The following DENND1A variants were observed in gnomAD, a reference collection of about 807,000 sequenced individuals.
DENND1A encodes DENN domain containing 1A, also known as DENN domain-containing protein 1A.
In DENND1A, 51 loss-of-function variants were observed where a neutral mutation model predicts 113.7. The observed-to-expected ratio is 0.45, with a 90% CI of 0.36 to 0.57. DENND1A has a LOEUF of 0.57. Among genes scored for constraint, DENND1A ranks in the 20% least tolerant of loss-of-function variants. The probability of loss-of-function intolerance (pLI) is 0.00; values close to 1 mark genes in which losing one functional copy is unlikely to be tolerated. For synonymous variants in DENND1A, 565 were observed against 570.8 expected (o/e 0.99, Z 0.14); for missense variants, 1,258 against 1,395.9 (o/e 0.90, Z 1.57).
chr9:123,821,464 AC>A (rs1838452509), intron 2 of DENND1A, among the ~76,000 whole-genome samples: 1 of 152,240 alleles, frequency 6.6e-6, no homozygotes, highest in South Asian at 2.1e-4. Context: ...GTCATGGCTA[AC>A]AGAAACCAGT....
intron 12 of DENND1A, among the ~76,000 whole-genome samples, chr9:123,577,097 G>A (rs2058675526): frequency 6.6e-6 from 1 of 152,002 alleles, no homozygotes; most frequent in Non-Finnish European, 1.5e-5. Flanking sequence ...TACCTTCTGG[G>A]ACTCCAGTTG....
chr9:123,782,328 T>C (rs1339851483), intron 3 of DENND1A, among the ~76,000 whole-genome samples: 1 of 152,204 alleles, frequency 6.6e-6, no homozygotes, highest in Non-Finnish European at 1.5e-5. Context: ...AGGCATCATG[T>C]CTGATATACA....
At chr9:123,661,442 T>C (rs914183801) in intron 8 of DENND1A, among the ~76,000 whole-genome samples, 13 of 152,202 alleles carry the variant, frequency 8.5e-5, no homozygotes, top group African/African-American at 2.9e-4. Context: ...TAACCTACCA[T>C]TCCTACTCAG....
At chr9:123,451,070 C>T (rs529912429) in intron 17 of DENND1A, among the ~76,000 whole-genome samples, 31 of 152,158 alleles carry the variant, frequency 2.0e-4, no homozygotes, top group Non-Finnish European at 4.1e-4. Context: ...AGTAAGAGTA[C>T]GGCAGCCGTA....
intron 5 of DENND1A, among the ~76,000 whole-genome samples, chr9:123,711,832 C>T (rs562842431): frequency 2.0e-5 from 3 of 152,214 alleles, no homozygotes; most frequent in Non-Finnish European, 2.9e-5. Context: ...ATTCATCTTA[C>T]GGCTCCTTTT....
intron 11 of DENND1A, among the ~76,000 whole-genome samples, chr9:123,588,052 C>A (rs557630696): frequency 1.3e-5 from 2 of 151,650 alleles, no homozygotes; most frequent in Non-Finnish European, 2.9e-5. Context: ...CCGAAGTGAG[C>A]AGATCACCAG....
intron 2 of DENND1A, among the ~76,000 whole-genome samples, chr9:123,805,730 T>C (rs1276134608): frequency 6.6e-6 from 1 of 151,882 alleles, no homozygotes; most frequent in Admixed American, 6.6e-5. Context: ...CACTGCACCA[T>C]CCTATATATT....
intron 20 of DENND1A, among the ~76,000 whole-genome samples, chr9:123,407,097 A>C (rs1005560794): frequency 2.1e-5 from 3 of 144,132 alleles, no homozygotes; most frequent in East Asian, 2.2e-4. Flanking sequence ...ATGGGTTGGC[A>C]ATCAGCGGGA....
intron 2 of DENND1A, among the ~76,000 whole-genome samples, chr9:123,833,824 G>A (rs936865781): frequency 1.3e-5 from 2 of 152,146 alleles, no homozygotes; most frequent in African/African-American, 4.8e-5. Flanking sequence ...ACTTTGGGAG[G>A]CCAACATGGG....
chr9:123,682,094 G>A (rs986203076), intron 5 of DENND1A, among the ~76,000 whole-genome samples: 4 of 152,204 alleles, frequency 2.6e-5, no homozygotes, highest in Non-Finnish European at 5.9e-5. Flanking sequence ...CTTGACCTCA[G>A]CAGAGCCCAG....
At position 123,568,905 on chromosome 9, in the gene DENND1A, CAT is replaced by C. The variant is rs1450175818; in HGVS notation, c.868-11212_868-11211del. On this transcript the variant is annotated intron_variant, in intron 12 of 23. Transcript: ENST00000394215. The stretch of plus-strand genomic sequence containing the variant: ...CTTGATCCACTTACAGTTCCAAACA[CAT>C]GATGCATAAAAGAGCTGACAGAAAT... Among the ~76,000 whole-genome samples the C allele has an allele frequency of 2.6e-5, 4 of 152,210 alleles. No individual in the cohort carries two copies. The East Asian group carries it at 7.7e-4, about 29-fold the overall frequency.
At chr9:123,559,018 A>G (rs766862289) in intron 12 of DENND1A, among the ~76,000 whole-genome samples, 9 of 152,170 alleles carry the variant, frequency 5.9e-5, no homozygotes, top group Non-Finnish European at 1.0e-4. Context: ...GAGCTTGTCA[A>G]GAAGGTCAAG....
Position 123,636,681 on chromosome 9 carries a change from A to G in DENND1A, c.619-6205T>C, listed in dbSNP as rs957884651. Among the ~76,000 whole-genome samples the G allele has an allele frequency of 3.3e-5, 5 of 149,534 alleles. No homozygotes were observed. The East Asian group carries it at 9.8e-4, about 29-fold the overall frequency. ...CCAGATTCACACCATGAGGAAGAAT[A>G]GGCAAGATTACCAGACTTTTTTTTT... On this transcript the variant is annotated intron_variant, in intron 9 of 23. Transcript: ENST00000394215.
rs2060314570 is a variant in DENND1A at position 123,609,481 on chromosome 9, A to G, written c.720T>C (p.Cys240=). The change falls in exon 11 of 24, where the codon TGT becomes TGC. Residue 240 remains cysteine, a splice_region_variant and synonymous_variant. Coordinates refer to ENST00000394215, the MANE Select transcript of DENND1A (RefSeq NM_001352964.2). ...VLPPHLLDYC[C]APMPYLIGIH... ...TTCCTATGAGGTAGGGCATGGGAGCACTGTGAAGAGAAACAGAGACACACA... is the reference window on the plus strand; with the variant it reads ...TTCCTATGAGGTAGGGCATGGGAGCGCTGTGAAGAGAAACAGAGACACACA... 6.2e-6 allele frequency: 10 copies of G among 1,613,258 alleles called. No homozygotes were observed. Among genetic ancestry groups the G allele is most frequent in the Non-Finnish European group, 7.6e-6 (9 of 1,179,594 alleles).
intron 9 of DENND1A, among the ~76,000 whole-genome samples, chr9:123,640,436 A>C (rs1367148469): frequency 2.0e-5 from 3 of 152,204 alleles, no homozygotes; most frequent in Non-Finnish European, 2.9e-5. Context: ...TGAGGACTTG[A>C]ATGAGAAATG....
intron 13 of DENND1A, among the ~76,000 whole-genome samples, chr9:123,526,170 T>C (rs200769241): frequency 2.3e-5 from 2 of 87,038 alleles, no homozygotes; most frequent in East Asian, 5.2e-4. Flanking sequence ...CCTGCACATG[T>C]GCACACACAC....
chr9:123,394,561 C>G (rs1395635822), intron 21 of DENND1A, among the ~76,000 whole-genome samples: 1 of 152,214 alleles, frequency 6.6e-6, no homozygotes, highest in Admixed American at 6.5e-5. Flanking sequence ...AGCCTTTATT[C>G]GGGCATTTAT....
At chr9:123,642,922 C>T (rs1014730140) in intron 9 of DENND1A, among the ~76,000 whole-genome samples, 1 of 152,188 alleles carries the variant, frequency 6.6e-6, no homozygotes, top group Non-Finnish European at 1.5e-5. Flanking sequence ...AGGTGGCGTT[C>T]GTCAGGAAAG....
chr9:123,654,687 T>C (rs1308028602), intron 8 of DENND1A, among the ~76,000 whole-genome samples: 1 of 152,224 alleles, frequency 6.6e-6, no homozygotes, highest in African/African-American at 2.4e-5. Context: ...TAAACTGTCA[T>C]GTACTTTTTT....
Sources: gnomAD v4.1 joint callset for allele counts (sites outside exome capture counted in the v4.1 genomes callset) on GRCh38, gnomAD v4.1.1 for gene constraint, MANE v1.5 for transcripts, NCBI Gene and HGNC (gene_info 2026-07-23, HGNC 2026-07-21) for gene names.